NAXD: variants seen among roughly 807,000 people sequenced by gnomAD.
NAXD encodes the protein NAD(P)HX dehydratase.
Under a neutral mutation model 35.8 loss-of-function variants are expected in NAXD, and 22 were observed. The ratio of observed to expected loss-of-function variants is 0.62; its 90% CI spans 0.44 to 0.88. The LOEUF (loss-of-function observed/expected upper bound fraction) is 0.88. Ranked by LOEUF, NAXD falls within the 40% of genes least tolerant of loss-of-function variation. The probability of loss-of-function intolerance (pLI) is 0.00; values close to 1 mark genes in which losing one functional copy is unlikely to be tolerated. For synonymous variants in NAXD, 189 were observed against 177.6 expected (o/e 1.06, Z -0.51); for missense variants, 428 against 437.7 (o/e 0.98, Z 0.20).
chr13:110,620,844 T>A (rs1364059978), intron 1 of NAXD, among the ~76,000 whole-genome samples: 3 of 152,204 alleles, frequency 2.0e-5, no homozygotes. Flanking sequence ...ATTGGAAGGA[T>A]AAAAATATTG....
chr13:110,635,701 C>G, intron 8 of NAXD, 113 bp downstream of exon 8: 1 of 1,219,472 alleles, frequency 8.2e-7, no homozygotes, highest in Non-Finnish European at 1.2e-6. Context: ...CACACACATT[C>G]ACACAGGGAT....
At chr13:110,615,461 T>A, upstream of NAXD, 1 of 752,704 alleles carries the variant, frequency 1.3e-6, no homozygotes, top group South Asian at 2.6e-5. Flanking sequence ...TTGTCAATCA[T>A]CTAGAACCGG....
In NAXD at chr13:110,627,512, T is replaced by G. The variant is rs1397243870; in HGVS notation, c.406T>G (p.Leu136Val). 6.2e-7 allele frequency: 1 copy of G among 1,613,930 alleles called. No homozygotes were observed. Residue 136 changes from leucine (L) to valine (V), a missense_variant, in exon 5 of 10, where the codon TTG (leucine) becomes GTG (valine). By Grantham distance (32) the Leu-to-Val change is conservative (BLOSUM62 1). This residue lies in a region of NAXD where 208 missense variants were observed against 193.0 expected (regional missense o/e 1.08). Transcript: ENST00000680254. ...RLHALVVGPG[L>V]GRDDALLRNV... ...GCATGCTCTTGTCGTAGGACCTGGC[T>G]TGGGTAGAGATGATGCGCTTCTCAG... is the stretch of plus-strand genomic sequence containing the variant.
At chr13:110,615,515 G>A, upstream of NAXD, 3 of 1,259,532 alleles carry the variant, frequency 2.4e-6, no homozygotes, top group Non-Finnish European at 3.1e-6. Flanking sequence ...CAGCCGCGCG[G>A]AGGCGGTCGG....
chr13:110,620,187 C>T (rs1255433590), intron 1 of NAXD, among the ~76,000 whole-genome samples: 1 of 152,084 alleles, frequency 6.6e-6, no homozygotes, highest in Non-Finnish European at 1.5e-5. Context: ...GCATTGGTCC[C>T]CTGCAGGTAG....
At chr13:110,633,166 C>T (rs937007848) in intron 5 of NAXD, among the ~76,000 whole-genome samples, 2 of 152,194 alleles carry the variant, frequency 1.3e-5, no homozygotes, top group African/African-American at 2.4e-5. Context: ...AGGTCCCGAG[C>T]CCTGCCCGGC....
intron 4 of NAXD, 102 bp downstream of exon 4, chr13:110,625,380 T>A: frequency 1.3e-6 from 1 of 754,562 alleles, no homozygotes; most frequent in Non-Finnish European, 2.3e-6. Context: ...TTTTCCATCC[T>A]CAGAGTTTCT....
Position 110,615,627 on chromosome 13 carries a change from C to T in NAXD, c.26C>T (p.Ala9Val). The change falls in exon 1 of 10, where the codon GCA becomes GTA. Residue 9 changes from alanine (A) to valine (V), a missense_variant. Physicochemically the swap from Ala to Val is moderately conservative, Grantham distance 64. Transcript: ENST00000680254. MALGPRCGAIRACRRVLER... is the reference protein window; with the variant it reads MALGPRCGVIRACRRVLER... ...ATGGCCCTGGGTCCTCGCTGTGGGGCAATCCGGGCTTGCAGACGAGGTAAG... is the reference window on the plus strand; with the variant it reads ...ATGGCCCTGGGTCCTCGCTGTGGGGTAATCCGGGCTTGCAGACGAGGTAAG... The T allele has an allele frequency of 6.8e-7, 1 of 1,479,284 alleles. No homozygotes were observed. Among genetic ancestry groups the T allele is most frequent in the Non-Finnish European group, 8.9e-7 (1 of 1,119,912 alleles). 91.6% of individuals were successfully genotyped at this position (1,479,284 alleles called of 1,614,324 possible).
At chr13:110,618,996 C>T (rs780746790) in intron 1 of NAXD, among the ~76,000 whole-genome samples, 2 of 152,188 alleles carry the variant, frequency 1.3e-5, no homozygotes, top group Non-Finnish European at 2.9e-5. Context: ...GTTGTGACCC[C>T]GAGGCGGCCC....
chr13:110,638,327 C>G lies in NAXD; in HGVS notation c.840-51C>G. On this transcript the variant is annotated intron_variant, in intron 9 of 9. Transcript: ENST00000680254. The surrounding 1 kb of genome is among the most constrained non-coding windows in gnomAD (Gnocchi z 5.4). ...CAGAGCCCAGGGTAGCTGCGGCCCC[C>G]GGACCACGACGCCCACTTCCCCACA... is the stretch of plus-strand genomic sequence containing the variant. 1 of 1,612,946 alleles carries G rather than the reference C, an allele frequency of 6.2e-7. No homozygotes were observed. The highest frequency in any genetic ancestry group is 8.5e-7 in the Non-Finnish European group (1 of 1,179,520).
At chr13:110,631,039 A>G (rs1252566698) in intron 5 of NAXD, among the ~76,000 whole-genome samples, 3 of 152,186 alleles carry the variant, frequency 2.0e-5, no homozygotes, top group Non-Finnish European at 4.4e-5. Context: ...GGCAGCCGCA[A>G]CTTTGGTAGG....
At chr13:110,635,838 C>A (rs1886905854) in intron 8 of NAXD, among the ~76,000 whole-genome samples, 1 of 152,262 alleles carries the variant, frequency 6.6e-6, no homozygotes, top group South Asian at 2.1e-4. Flanking sequence ...TGGTTGAATT[C>A]CCTTGCCTCA....
chr13:110,626,198 C>T (rs371313313), intron 4 of NAXD, among the ~76,000 whole-genome samples: 9 of 151,788 alleles, frequency 5.9e-5, no homozygotes, highest in South Asian at 2.1e-4. Context: ...GGGGCTGGGC[C>T]GGAGGCTGTG....
intron 5 of NAXD, among the ~76,000 whole-genome samples, chr13:110,630,221 G>T (rs953762141): frequency 1.3e-5 from 2 of 151,992 alleles, no homozygotes; most frequent in Non-Finnish European, 2.9e-5. Flanking sequence ...TAGAGATGGG[G>T]TTTCACCATG....
Position 110,628,729 on chromosome 13 carries a change from C to T in NAXD, c.441+1182C>T, listed in dbSNP as rs1389151598. Among the ~76,000 whole-genome samples, 2 of 151,958 alleles carry T rather than the reference C, an allele frequency of 1.3e-5. No individual in the cohort carries two copies. The highest frequency in any genetic ancestry group is 6.6e-5 in the Admixed American group (1 of 15,260). Reference sequence around the variant, plus strand: ...TGGCCATGTTTAGGAGCAGTAGAACCCTCTGTCATCCCCGGGGAGAGGCTC... The same window carrying T: ...TGGCCATGTTTAGGAGCAGTAGAACTCTCTGTCATCCCCGGGGAGAGGCTC... On this transcript the variant is annotated intron_variant, in intron 5 of 9. Coordinates refer to ENST00000680254, the MANE Select transcript of NAXD (RefSeq NM_001242882.2). The surrounding 1 kb of genome is among the most constrained non-coding windows in gnomAD (Gnocchi z 4.1).
chr13:110,632,203 A>T (rs567647271), intron 5 of NAXD, among the ~76,000 whole-genome samples: 1 of 148,576 alleles, frequency 6.7e-6, no homozygotes, highest in African/African-American at 2.5e-5. Flanking sequence ...CTTCGCGGTG[A>T]GTGTTACAGC....
In NAXD at chr13:110,622,796, T is replaced by G. The variant is rs454430; in HGVS notation, c.197+430T>G. On this transcript the variant is annotated intron_variant, in intron 2 of 9. Transcript: ENST00000680254. ...GCTTCTGTTCTGTTTTGCTGCTGTG[T>G]TTGGTACGTAGCTGTTTGTAAGTTG... Among the ~76,000 whole-genome samples, 1,359 of 152,366 alleles carry G rather than the reference T, an allele frequency of 8.9e-3. 23 individuals are homozygous for G. The highest frequency in any genetic ancestry group is 0.031 in the African/African-American group (1,297 of 41,594).
At chr13:110,637,749 T>C (rs983292084) in intron 9 of NAXD, 2 of 461,324 alleles carry the variant, frequency 4.3e-6, no homozygotes, top group Non-Finnish European at 4.3e-6. Context: ...TTCTCTTCTG[T>C]GAGCCCATCA....
At chr13:110,632,769 C>G (rs1043102617) in intron 5 of NAXD, among the ~76,000 whole-genome samples, 2 of 151,830 alleles carry the variant, frequency 1.3e-5, no homozygotes, top group African/African-American at 4.8e-5. Flanking sequence ...TAAAGGTTCT[C>G]CAAGGCCCCA....
Sources: gnomAD v4.1 joint callset for allele counts (sites outside exome capture counted in the v4.1 genomes callset) on GRCh38, gnomAD v4.1.1 for gene constraint, gnomAD v4.1.1 regional missense constraint, Gnocchi (gnomAD v3.1) non-coding constraint, MANE v1.5 for transcripts, NCBI Gene and HGNC (gene_info 2026-07-23, HGNC 2026-07-21) for gene names.